The following GCH1 variants were observed in gnomAD, a reference collection of about 807,000 sequenced individuals.
The protein encoded by GCH1 is GTP cyclohydrolase I.
GCH1 carries 5 observed loss-of-function variants against 25.9 expected under a neutral mutation model. The ratio of observed to expected loss-of-function variants is 0.19; its 90% CI spans 0.10 to 0.41. The LOEUF (loss-of-function observed/expected upper bound fraction) is 0.41, where lower values mean the gene tolerates loss of function less well. Ranked by LOEUF, GCH1 falls within the 10% of genes least tolerant of loss-of-function variation. The pLI, the probability that GCH1 is intolerant of heterozygous loss-of-function variation, is 1.00. For synonymous variants in GCH1, 159 were observed against 129.6 expected (o/e 1.23, Z -1.54); for missense variants, 261 against 336.5 (o/e 0.78, Z 1.75).
rs2039578571 is a variant in GCH1, at chr14:54,842,853, C to T, written c.*1164G>A. The stretch of plus-strand genomic sequence containing the variant: ...GCAACAGCTTCCAGGATTAAAATAC[C>T]TATACCATCTATACGGAGTTACAAT... On this transcript the variant is annotated 3_prime_UTR_variant, in exon 6 of 6. Transcript: ENST00000491895. 4.6e-6 allele frequency: 2 copies of T among 431,584 alleles called. No individual in the cohort carries two copies. The highest frequency in any genetic ancestry group is 4.2e-6 in the Non-Finnish European group (1 of 239,652). 26.7% of individuals were successfully genotyped at this position (431,584 alleles called of 1,614,324 possible).
chr14:54,845,896 C>T (rs770768732), intron 4 of GCH1, 44 bp from the exon 5 acceptor site: 2 of 1,007,672 alleles, frequency 2.0e-6, no homozygotes, highest in Admixed American at 3.4e-5. Flanking sequence ...CTGACACAAA[C>T]AGCTGGAAGC....
rs2040590841 is a variant in GCH1 at position 54,902,781 on chromosome 14, C to A, written c.-118G>T. ...TGGCCGGAGTCACCTGAGGAAGGTA[C>A]GCAACCTGCTTAGATCACACTCCGA... On this transcript the variant is annotated 5_prime_UTR_variant, in exon 1 of 6. Transcript: ENST00000491895. The A allele has an allele frequency of 3.1e-6, 4 of 1,309,740 alleles. No homozygotes were observed. Among genetic ancestry groups the A allele is most frequent in the South Asian group, 2.0e-5 (1 of 50,868 alleles). The allele number at this position is 1,309,740 out of a possible 1,614,324, so 81.1% of individuals were successfully genotyped here. A position where few individuals can be genotyped will look rare whatever the true frequency, so the allele number is the denominator to read the frequency against.
rs144920631 is a variant in GCH1, at chr14:54,893,798, C to G, written c.343+8523G>C. ...TAAGCCATCAGCAGTATTTGTTACT[C>G]AGAACATCAGTCGGCTTAAGCATCG... is the stretch of plus-strand genomic sequence containing the variant. On this transcript the variant is annotated intron_variant, in intron 1 of 5. Transcript: ENST00000491895. 5.6e-3 allele frequency among the ~76,000 whole-genome samples: 859 copies of G among 152,306 alleles called. 13 individuals are homozygous for G. Among genetic ancestry groups the G allele is most frequent in the African/African-American group, 0.02 (816 of 41,558 alleles).
In GCH1 at chr14:54,899,176, A is replaced by G. The variant is rs555050060; in HGVS notation, c.343+3145T>C. Among the ~76,000 whole-genome samples the G allele has an allele frequency of 1.6e-3, 248 of 151,878 alleles. 1 individual carries two copies. The highest frequency in any genetic ancestry group is 6.8e-3 in the Middle Eastern group (2 of 294). On this transcript the variant is annotated intron_variant, in intron 1 of 5. Transcript: ENST00000491895. ...AATTAATGGCTTATAATAATCTTAA[A>G]TGGGCTGGGTATGGTGGCTCACACC...
At chr14:54,850,655 C>T (rs887271860) in intron 3 of GCH1, among the ~76,000 whole-genome samples, 2 of 152,112 alleles carry the variant, frequency 1.3e-5, no homozygotes, top group Non-Finnish European at 2.9e-5. Flanking sequence ...CGACAGGCCC[C>T]GGTGTGTGTT....
Position 54,902,702 on chromosome 14 carries a change from G to A in GCH1, c.-39C>T, listed in dbSNP as rs2040589292. On this transcript the variant is annotated 5_prime_UTR_variant, in exon 1 of 6. Transcript: ENST00000491895. ...CCGCTGCCGTTCGGGAAGGACCCCGGGGCGCTTCGAGGTCTGCGGCTAAAC... is the reference window on the plus strand; with the variant it reads ...CCGCTGCCGTTCGGGAAGGACCCCGAGGCGCTTCGAGGTCTGCGGCTAAAC... 2.1e-6 allele frequency: 3 copies of A among 1,417,364 alleles called. No homozygotes were observed. Among genetic ancestry groups the A allele is most frequent in the African/African-American group, 1.5e-5 (1 of 66,622 alleles). 87.8% of individuals were successfully genotyped at this position (1,417,364 alleles called of 1,614,324 possible).
intron 3 of GCH1, among the ~76,000 whole-genome samples, chr14:54,850,034 G>A (rs2039701460): frequency 6.6e-6 from 1 of 152,176 alleles, no homozygotes; most frequent in African/African-American, 2.4e-5. Context: ...GAGTGCAGCA[G>A]CACAATCTTA....
intron 1 of GCH1, among the ~76,000 whole-genome samples, chr14:54,899,449 C>A (rs1013463526): frequency 4.6e-5 from 7 of 152,050 alleles, no homozygotes; most frequent in Non-Finnish European, 8.8e-5. Context: ...CAGAGCCAAA[C>A]CCTGTCTCAA....
chr14:54,855,505 C>CAAAAAAAAAAAAAAAAAAAA (rs764999718), intron 3 of GCH1, among the ~76,000 whole-genome samples: 5 of 36,416 alleles, frequency 1.4e-4, no homozygotes, highest in African/African-American at 7.1e-4. Context: ...GACCCTGTCT[C>CAAAAAAAAAAAAAAAAAAAA]AAAAAAAAAA....
At chr14:54,888,783 A>G (rs2140110769) in intron 1 of GCH1, among the ~76,000 whole-genome samples, 1 of 151,364 alleles carries the variant, frequency 6.6e-6, no homozygotes, top group African/African-American at 2.4e-5. Flanking sequence ...TCAGCCTCCC[A>G]AAGTGCTGGG....
At position 54,848,428 on chromosome 14, in the gene GCH1, C is replaced by T. The variant is rs193132598; in HGVS notation, c.510-1298G>A. Among the ~76,000 whole-genome samples the T allele has an allele frequency of 1.6e-4, 24 of 152,296 alleles. No individual in the cohort carries two copies. The East Asian group carries it at 4.2e-3, about 27-fold the overall frequency. ...AGGATTACAGGCGTGAGCCCCTGTG[C>T]CCAGCCAGAATTTTCCCCTTTCAAC... On this transcript the variant is annotated intron_variant, in intron 3 of 5. Transcript: ENST00000491895.
chr14:54,879,545 C>A lies in GCH1; in HGVS notation c.344-14109G>T, dbSNP rs191230953. Among the ~76,000 whole-genome samples the A allele has an allele frequency of 3.0e-3, 452 of 151,202 alleles. 1 individual carries two copies. Among genetic ancestry groups the A allele is most frequent in the Non-Finnish European group, 5.2e-3 (355 of 67,902 alleles). On this transcript the variant is annotated intron_variant, in intron 1 of 5. Transcript: ENST00000491895. ...AAACTCACAATAAAATATGACCCAG[C>A]AATGAAAGTCAGTAAATTTGGGCTG...
At chr14:54,844,228 C>A in intron 5 of GCH1, 85 bp from the exon 6 acceptor site, 1 of 873,944 alleles carries the variant, frequency 1.1e-6, no homozygotes, top group South Asian at 1.3e-5. Flanking sequence ...GATTAAATCT[C>A]AGCTCACAGT....
chr14:54,900,845 T>A lies in GCH1; in HGVS notation c.343+1476A>T, dbSNP rs377005652. Among the ~76,000 whole-genome samples, 495 of 144,724 alleles carry A rather than the reference T, an allele frequency of 3.4e-3. 3 individuals are homozygous for A. The highest frequency in any genetic ancestry group is 5.7e-3 in the Non-Finnish European group (379 of 66,344). 94.9% of individuals were successfully genotyped at this position (144,724 alleles called of 152,430 possible). A position where few individuals can be genotyped will look rare whatever the true frequency, so the allele number is the denominator to read the frequency against. ...ACATTTCATTACATTGTGAAATATC[T>A]CACACACACACACACACACACACAC... On this transcript the variant is annotated intron_variant, in intron 1 of 5. Coordinates refer to ENST00000491895, the MANE Select transcript of GCH1 (RefSeq NM_000161.3).
chr14:54,863,897 T>C (rs892461174), intron 2 of GCH1, among the ~76,000 whole-genome samples: 8 of 151,936 alleles, frequency 5.3e-5, no homozygotes, highest in Admixed American at 3.3e-4. Flanking sequence ...CTGGCTCTGT[T>C]GCCCAGGCTA....
rs930604649 is a variant in GCH1, at chr14:54,855,588, C to G, written c.509+4093G>C. On this transcript the variant is annotated intron_variant, in intron 3 of 5. Transcript: ENST00000491895. ...CCAGCATTTGGGAGGCCAAGGCAGGCTGATCACTTGAGGCCAGGAGTTCGA... is the reference window on the plus strand; with the variant it reads ...CCAGCATTTGGGAGGCCAAGGCAGGGTGATCACTTGAGGCCAGGAGTTCGA... 2.0e-5 allele frequency among the ~76,000 whole-genome samples: 3 copies of G among 149,290 alleles called. No homozygotes were observed. In the East Asian group the frequency reaches 6.0e-4, roughly 30 times the overall value.
At chr14:54,869,730 T>TC (rs1173120559) in intron 1 of GCH1, among the ~76,000 whole-genome samples, 1 of 152,150 alleles carries the variant, frequency 6.6e-6, no homozygotes, top group Non-Finnish European at 1.5e-5. Flanking sequence ...CCCACCTGCC[T>TC]CAGCCTCCCA....
intron 1 of GCH1, among the ~76,000 whole-genome samples, chr14:54,878,868 A>G (rs2040201430): frequency 6.6e-6 from 1 of 152,060 alleles, no homozygotes; most frequent in Non-Finnish European, 1.5e-5. Context: ...GACTCAAGCA[A>G]TCCTCCCACC....
At chr14:54,862,377 C>CTTTTTTTTTTTTTTTTTT (rs1491222719) in intron 2 of GCH1, among the ~76,000 whole-genome samples, 1 of 115,816 alleles carries the variant, frequency 8.6e-6, no homozygotes. Flanking sequence ...TGAAGCACTA[C>CTTTTTTTTTTTTTTTTTT]TCTTTTTTTT....
Sources: gnomAD v4.1 joint callset for allele counts (sites outside exome capture counted in the v4.1 genomes callset) on GRCh38, gnomAD v4.1.1 for gene constraint, MANE v1.5 for transcripts, NCBI Gene and HGNC (gene_info 2026-07-23, HGNC 2026-07-21) for gene names.